Variants in CTIF observed in about 807,000 individuals in gnomAD.
CTIF encodes the protein CBP80/20-dependent translation initiation factor.
A neutral mutation model predicts 66.0 loss-of-function variants in CTIF; 21 were observed. That is an observed-to-expected ratio of 0.32 (90% confidence interval 0.23 to 0.46). The LOEUF (loss-of-function observed/expected upper bound fraction) is 0.46. CTIF is among the 20% of genes least tolerant of loss of function. The pLI is 1.00. For synonymous variants in CTIF, 345 were observed against 326.4 expected (o/e 1.06, Z -0.62); for missense variants, 739 against 812.7 (o/e 0.91, Z 1.10).
intron 7 of CTIF, among the ~76,000 whole-genome samples, chr18:48,752,815 G>A (rs1490150972): frequency 6.6e-6 from 1 of 152,200 alleles, no homozygotes; most frequent in Non-Finnish European, 1.5e-5. Flanking sequence ...GTTAGTATAG[G>A]TCACTGTGAT....
chr18:48,740,330 C>T (rs945259633), intron 7 of CTIF, among the ~76,000 whole-genome samples: 6 of 152,216 alleles, frequency 3.9e-5, no homozygotes, highest in Non-Finnish European at 7.3e-5. Context: ...TCCTGCCCTT[C>T]CCCCTACCAT....
intron 2 of CTIF, among the ~76,000 whole-genome samples, chr18:48,626,864 C>G (rs1204806750): frequency 2.6e-5 from 4 of 151,620 alleles, no homozygotes; most frequent in African/African-American, 7.3e-5. Context: ...ACCATTTTGG[C>G]CAGACTTGTC....
chr18:48,842,906 G>A (rs2068980127), intron 10 of CTIF, among the ~76,000 whole-genome samples: 1 of 152,252 alleles, frequency 6.6e-6, no homozygotes. Context: ...GCCAGAAGCA[G>A]GGGCAGGGAC....
At chr18:48,798,853 G>C (rs1223983029) in intron 9 of CTIF, among the ~76,000 whole-genome samples, 1 of 152,208 alleles carries the variant, frequency 6.6e-6, no homozygotes, top group Non-Finnish European at 1.5e-5. Context: ...CTGGGGGTGA[G>C]GATAGGGGCT....
chr18:48,653,456 C>G (rs1568106943), intron 3 of CTIF, among the ~76,000 whole-genome samples: 1 of 152,178 alleles, frequency 6.6e-6, no homozygotes, highest in Non-Finnish European at 1.5e-5. Flanking sequence ...CTACAAACCA[C>G]TACTCAATGA....
chr18:48,761,263 C>A lies in CTIF; in HGVS notation c.1072-127C>A. Reference sequence around the variant, plus strand: ...TGGTGGAGGTTCCCAGAGGGACCAGCCCTCAGATCCAGGGAAGTAGGCCTG... The same window carrying A: ...TGGTGGAGGTTCCCAGAGGGACCAGACCTCAGATCCAGGGAAGTAGGCCTG... On this transcript the variant is annotated intron_variant, in intron 8 of 11. Transcript: ENST00000256413. This position sits in a 1 kb window ranked among gnomAD's most constrained non-coding sequence, Gnocchi z 4.2. 2.4e-6 allele frequency: 2 copies of A among 839,606 alleles called. No individual in the cohort carries two copies. Among genetic ancestry groups the A allele is most frequent in the Non-Finnish European group, 3.7e-6 (2 of 546,110 alleles). The allele number at this position is 839,606 out of a possible 1,614,324, so 52.0% of individuals were successfully genotyped here. A position where few individuals can be genotyped will look rare whatever the true frequency, so the allele number is the denominator to read the frequency against.
intron 5 of CTIF, among the ~76,000 whole-genome samples, chr18:48,664,785 C>G (rs1333997875): frequency 6.6e-6 from 1 of 152,208 alleles, no homozygotes; most frequent in Non-Finnish European, 1.5e-5. Flanking sequence ...TGATGACCCA[C>G]AGTGGCCCTG....
intron 5 of CTIF, among the ~76,000 whole-genome samples, chr18:48,664,852 A>G (rs1337930565): frequency 6.6e-6 from 1 of 151,400 alleles, no homozygotes; most frequent in Non-Finnish European, 1.5e-5. Context: ...CACAGAGGAC[A>G]GGCCCACCCC....
At chr18:48,768,016 C>T (rs1909740350) in intron 9 of CTIF, among the ~76,000 whole-genome samples, 1 of 152,058 alleles carries the variant, frequency 6.6e-6, no homozygotes, top group African/African-American at 2.4e-5. Context: ...GTGTGTTGCC[C>T]CCACTTCTAC....
At chr18:48,543,675 T>C (rs1419408507) in intron 1 of CTIF, among the ~76,000 whole-genome samples, 1 of 152,132 alleles carries the variant, frequency 6.6e-6, no homozygotes, top group Non-Finnish European at 1.5e-5. Context: ...ACCTGAAGCC[T>C]AGGGAAGTGG....
intron 7 of CTIF, among the ~76,000 whole-genome samples, chr18:48,722,969 A>G (rs1316066203): frequency 6.6e-6 from 1 of 152,226 alleles, no homozygotes; most frequent in Non-Finnish European, 1.5e-5. Context: ...CTTCCAGAGC[A>G]CTCACTGTAT....
At chr18:48,822,158 T>C (rs1311685791) in intron 10 of CTIF, among the ~76,000 whole-genome samples, 2 of 152,258 alleles carry the variant, frequency 1.3e-5, no homozygotes, top group African/African-American at 4.8e-5. Flanking sequence ...GTTTCCTTCT[T>C]TGTAAAGGCT....
intron 1 of CTIF, among the ~76,000 whole-genome samples, chr18:48,588,643 GTCCT>G (rs1402638874): frequency 2.0e-5 from 3 of 149,400 alleles, no homozygotes; most frequent in African/African-American, 7.4e-5. Flanking sequence ...CTCCACATCC[GTCCT>G]TCCTTCTCCT....
intron 3 of CTIF, among the ~76,000 whole-genome samples, chr18:48,656,075 C>G (rs1333117552): frequency 6.6e-6 from 1 of 152,262 alleles, no homozygotes. Flanking sequence ...CGCATACCCA[C>G]TCACATTCCA....
chr18:48,675,721 A>G (rs1458056614), intron 6 of CTIF, among the ~76,000 whole-genome samples: 1 of 151,936 alleles, frequency 6.6e-6, no homozygotes, highest in African/African-American at 2.4e-5. Flanking sequence ...CCTCCCTGGG[A>G]CCCCTGGGAA....
chr18:48,642,467 T>C (rs2090952793), intron 3 of CTIF, among the ~76,000 whole-genome samples: 1 of 152,044 alleles, frequency 6.6e-6, no homozygotes, highest in Admixed American at 6.5e-5. Context: ...TAGGGCACAG[T>C]GTTGGGATGT....
chr18:48,760,138 GAGA>G (rs1373925219), intron 8 of CTIF: 1 of 152,000 alleles, frequency 6.6e-6, no homozygotes, highest in African/African-American at 2.4e-5. Flanking sequence ...TGGGTTTGAG[GAGA>G]AGAACTAGGC....
At position 48,645,617 on chromosome 18, in the gene CTIF, T is replaced by C. The variant is rs576309329; in HGVS notation, c.252+8932T>C. Among the ~76,000 whole-genome samples, 63 of 152,310 alleles carry C rather than the reference T, an allele frequency of 4.1e-4. 1 individual carries two copies. Among genetic ancestry groups the C allele is most frequent in the African/African-American group, 1.5e-3 (62 of 41,576 alleles). Reference sequence around the variant, plus strand: ...GAAGGCTCCTACCCACGCCCCATGGTGTCACTGGAGACAGCAGGAACCTGA... The same window carrying C: ...GAAGGCTCCTACCCACGCCCCATGGCGTCACTGGAGACAGCAGGAACCTGA... On this transcript the variant is annotated intron_variant, in intron 3 of 11. Coordinates refer to ENST00000256413, the MANE Select transcript of CTIF (RefSeq NM_014772.3).
rs117168047 is a variant in CTIF at position 48,709,572 on chromosome 18, G to A, written c.508-2047G>A. On this transcript the variant is annotated intron_variant, in intron 6 of 11. Transcript: ENST00000256413. ...AGCCGAGATCCTAGTCCCTGCCGCCGCCGGTAGGGAGCCTCGGCTTCCTGT... is the reference window on the plus strand; with the variant it reads ...AGCCGAGATCCTAGTCCCTGCCGCCACCGGTAGGGAGCCTCGGCTTCCTGT... Among the ~76,000 whole-genome samples, 209 of 152,352 alleles carry A rather than the reference G, an allele frequency of 1.4e-3. 4 individuals are homozygous for A. The East Asian group carries it at 0.035, about 26-fold the overall frequency.
Sources: gnomAD v4.1 joint callset for allele counts (sites outside exome capture counted in the v4.1 genomes callset) on GRCh38, gnomAD v4.1.1 for gene constraint, Gnocchi (gnomAD v3.1) non-coding constraint, MANE v1.5 for transcripts, NCBI Gene and HGNC (gene_info 2026-07-23, HGNC 2026-07-21) for gene names.